Variants in FARS2 observed in about 807,000 individuals in gnomAD.
FARS2 encodes phenylalanyl-tRNA synthetase 2, mitochondrial.
Under a neutral mutation model 46.4 loss-of-function variants are expected in FARS2, and 40 were observed. That is an observed-to-expected ratio of 0.86 (90% CI 0.67 to 1.12). The LOEUF (loss-of-function observed/expected upper bound fraction) is 1.12. Ranked by LOEUF, FARS2 falls within the 50% of genes most tolerant of loss-of-function variation. FARS2 has a pLI of 0.00. For synonymous variants in FARS2, 234 were observed against 214.9 expected, an observed-to-expected ratio of 1.09 and a Z score of -0.78; for missense variants, 513 against 567.9, an observed-to-expected ratio of 0.90 and a Z score of 0.98.
intron 1 of FARS2, among the ~76,000 whole-genome samples, chr6:5,293,707 A>T (rs9392668): frequency 6.6e-6 from 1 of 152,066 alleles, no homozygotes; most frequent in Middle Eastern, 3.2e-3. Context: ...TTGTTCATCA[A>T]TGAGAAGGTT....
At chr6:5,646,004 GT>G (rs1459369254) in intron 6 of FARS2, among the ~76,000 whole-genome samples, 2 of 152,170 alleles carry the variant, frequency 1.3e-5, no homozygotes, top group Non-Finnish European at 2.9e-5. Context: ...AAGCCATCCT[GT>G]TTTTAGGACT....
chr6:5,702,262 T>TTG (rs1039800943), intron 6 of FARS2, among the ~76,000 whole-genome samples: 12 of 152,354 alleles, frequency 7.9e-5, no homozygotes, highest in African/African-American at 2.9e-4. Flanking sequence ...CTGTTAGACA[T>TTG]TGCTTGGTGC....
intron 2 of FARS2, among the ~76,000 whole-genome samples, chr6:5,392,498 A>G (rs1760581539): frequency 6.6e-6 from 1 of 152,162 alleles, no homozygotes; most frequent in Non-Finnish European, 1.5e-5. Context: ...AAGCTATAGT[A>G]CCTGTGAAAT....
chr6:5,258,234 G>T (rs968235976), upstream of FARS2, among the ~76,000 whole-genome samples: 4 of 152,200 alleles, frequency 2.6e-5, no homozygotes, highest in African/African-American at 9.7e-5. Flanking sequence ...TATAGGTCTT[G>T]CAAGAGAGTT....
intron 2 of FARS2, among the ~76,000 whole-genome samples, chr6:5,400,380 C>G (rs1336695477): frequency 6.6e-6 from 1 of 151,440 alleles, no homozygotes; most frequent in Non-Finnish European, 1.5e-5. Flanking sequence ...ACTTTTGTTC[C>G]CCTTCTTTTT....
intron 5 of FARS2, among the ~76,000 whole-genome samples, chr6:5,585,307 G>T (rs538410967): frequency 2.0e-5 from 3 of 151,744 alleles, no homozygotes; most frequent in South Asian, 2.1e-4. Flanking sequence ...CATTTTTTTT[G>T]TGTGTGTAAG....
At chr6:5,465,304 G>A (rs940907550) in intron 4 of FARS2, among the ~76,000 whole-genome samples, 3 of 152,184 alleles carry the variant, frequency 2.0e-5, no homozygotes, top group Admixed American at 6.5e-5. Context: ...ATTTGAAAAA[G>A]TAAAAACAGA....
At chr6:5,534,259 T>A (rs1004459777) in intron 4 of FARS2, among the ~76,000 whole-genome samples, 1 of 152,350 alleles carries the variant, frequency 6.6e-6, no homozygotes, top group African/African-American at 2.4e-5. Flanking sequence ...CTCTGAGATT[T>A]TATTTTTTTG....
At chr6:5,743,038 G>A (rs1761440483) in intron 6 of FARS2, among the ~76,000 whole-genome samples, 1 of 151,950 alleles carries the variant, frequency 6.6e-6, no homozygotes, top group Admixed American at 6.6e-5. Flanking sequence ...CACAGGGCAG[G>A]GGCAGGATAT....
chr6:5,431,939 T>C (rs1763193987), intron 4 of FARS2: 1 of 178,710 alleles, frequency 5.6e-6, no homozygotes, highest in Admixed American at 5.8e-5. Flanking sequence ...TATCTGAATT[T>C]GATTTTTTAA....
chr6:5,329,526 A>G (rs1028320399), intron 1 of FARS2, among the ~76,000 whole-genome samples: 4 of 152,158 alleles, frequency 2.6e-5, no homozygotes, highest in Non-Finnish European at 4.4e-5. Flanking sequence ...GTGTTCTACA[A>G]TTCAGTTCAG....
chr6:5,750,762 C>T (rs1324007994), intron 6 of FARS2, among the ~76,000 whole-genome samples: 1 of 152,040 alleles, frequency 6.6e-6, no homozygotes, highest in Non-Finnish European at 1.5e-5. Context: ...GAAAGCGTTT[C>T]TTGGTGGCTT....
chr6:5,709,695 T>TGTGTGC (rs1554127978), intron 6 of FARS2, among the ~76,000 whole-genome samples: 2 of 114,068 alleles, frequency 1.8e-5, no homozygotes, highest in Admixed American at 8.9e-5. Flanking sequence ...TGTGTGTGTG[T>TGTGTGC]GTGCGCATGC....
intron 4 of FARS2, among the ~76,000 whole-genome samples, chr6:5,533,343 A>G (rs1339288001): frequency 1.3e-5 from 2 of 152,254 alleles, no homozygotes; most frequent in African/African-American, 4.8e-5. Context: ...AATCTCTCAC[A>G]GATACAAAAT....
chr6:5,405,033 G>A (rs961987469), intron 3 of FARS2, among the ~76,000 whole-genome samples: 69 of 152,050 alleles, frequency 4.5e-4, no homozygotes, highest in African/African-American at 4.1e-4. Context: ...CCCTGGCCTC[G>A]TGATCCGCCC....
At chr6:5,652,611 T>G (rs1777422355) in intron 6 of FARS2, among the ~76,000 whole-genome samples, 1 of 152,218 alleles carries the variant, frequency 6.6e-6, no homozygotes, top group Non-Finnish European at 1.5e-5. Context: ...GGCCTTCATT[T>G]CTCGCTTGCC....
At chr6:5,504,367 T>C (rs1206278942) in intron 4 of FARS2, among the ~76,000 whole-genome samples, 1 of 149,194 alleles carries the variant, frequency 6.7e-6, no homozygotes, top group Admixed American at 6.7e-5. Flanking sequence ...ATTAAAGACC[T>C]ATACACTGAG....
intron 1 of FARS2, among the ~76,000 whole-genome samples, chr6:5,287,022 G>A (rs17140096): frequency 0.23 from 34,484 of 152,218 alleles, 4,566 homozygotes; most frequent in African/African-American, 0.36. Flanking sequence ...ACAGAGCATG[G>A]CCATTGCCCC....
chr6:5,348,718 G>A (rs1757393605), intron 1 of FARS2, among the ~76,000 whole-genome samples: 1 of 144,556 alleles, frequency 6.9e-6, no homozygotes. Flanking sequence ...ATTATCAGCA[G>A]GCTAAAGAAG....
Sources: allele counts gnomAD v4.1 joint callset (sites outside exome capture counted in the v4.1 genomes callset), GRCh38; gene constraint gnomAD v4.1.1; transcripts MANE v1.5; gene names NCBI Gene and HGNC (gene_info 2026-07-23, HGNC 2026-07-21).